Variants in GMDS observed in about 807,000 individuals in gnomAD.
The protein encoded by GMDS is GDP-mannose 4,6-dehydratase.
Under a neutral mutation model 49.9 loss-of-function variants are expected in GMDS, and 20 were observed. The observed-to-expected ratio is 0.40, with a 90% CI of 0.28 to 0.58. GMDS has a LOEUF of 0.58. Ranked by LOEUF, GMDS falls within the 20% of genes least tolerant of loss-of-function variation. The probability of loss-of-function intolerance (pLI) is 0.42; values close to 1 mark genes in which losing one functional copy is unlikely to be tolerated. For synonymous variants in GMDS, 177 were observed against 178.6 expected, an observed-to-expected ratio of 0.99 and a Z score of 0.07; for missense variants, 362 against 481.4, an observed-to-expected ratio of 0.75 and a Z score of 2.32.
intron 9 of GMDS, among the ~76,000 whole-genome samples, chr6:1,691,672 C>T (rs1237777174): frequency 6.6e-6 from 1 of 152,102 alleles, no homozygotes; most frequent in Non-Finnish European, 1.5e-5. Flanking sequence ...TTACAGTGTT[C>T]TAAAATTTAT....
At chr6:1,935,795 G>T (rs768729189) in intron 6 of GMDS, among the ~76,000 whole-genome samples, 9 of 152,160 alleles carry the variant, frequency 5.9e-5, no homozygotes, top group Non-Finnish European at 1.2e-4. Flanking sequence ...GATAGAATGA[G>T]AACAGAACTT....
Position 2,004,198 on chromosome 6 carries a change from T to C in GMDS, c.346-43232A>G, listed in dbSNP as rs184588031. Among the ~76,000 whole-genome samples the C allele has an allele frequency of 4.9e-3, 743 of 152,354 alleles. 11 individuals are homozygous for C. The highest frequency in any genetic ancestry group is 0.037 in the Middle Eastern group (11 of 294). On this transcript the variant is annotated intron_variant, in intron 4 of 10. Coordinates refer to ENST00000380815, the MANE Select transcript of GMDS (RefSeq NM_001500.4). Reference sequence around the variant, plus strand: ...TCTAGGGCAAGCCCTTCCATTAGACTGACAATTTGAAAGTACTTATTGGTC... The same window carrying C: ...TCTAGGGCAAGCCCTTCCATTAGACCGACAATTTGAAAGTACTTATTGGTC...
At position 1,994,536 on chromosome 6, in the gene GMDS, GATAA is replaced by G. The variant is rs543439268; in HGVS notation, c.346-33574_346-33571del. On this transcript the variant is annotated intron_variant, in intron 4 of 10. Transcript: ENST00000380815. ...ACTGTGCTGAGTTTGGGAACAGAAA[GATAA>G]ATGAGGCGCAAACTTTGTCATTGAG... 6.6e-5 allele frequency among the ~76,000 whole-genome samples: 10 copies of G among 152,258 alleles called. No homozygotes were observed. The South Asian group carries it at 1.9e-3, about 28-fold the overall frequency.
chr6:2,157,623 C>G (rs915264661), intron 1 of GMDS, among the ~76,000 whole-genome samples: 1 of 152,126 alleles, frequency 6.6e-6, no homozygotes, highest in African/African-American at 2.4e-5. Flanking sequence ...AAAACGAAAT[C>G]TATAGGGGAG....
intron 7 of GMDS, among the ~76,000 whole-genome samples, chr6:1,879,226 T>G (rs1759246317): frequency 6.6e-6 from 1 of 152,204 alleles, no homozygotes; most frequent in South Asian, 2.1e-4. Context: ...AAAATTAAAA[T>G]TGGGTATAAA....
chr6:1,913,120 G>A (rs112821771), intron 7 of GMDS, among the ~76,000 whole-genome samples: 4,488 of 152,092 alleles, frequency 0.03, 210 homozygotes, highest in African/African-American at 0.1. Context: ...GGTGGCTCAC[G>A]CCTGTAATCC....
chr6:2,098,392 G>A (rs1340969421), intron 4 of GMDS, among the ~76,000 whole-genome samples: 2 of 152,024 alleles, frequency 1.3e-5, no homozygotes, highest in Non-Finnish European at 2.9e-5. Flanking sequence ...CTTCAAATAA[G>A]GAAAATTTAG....
intron 1 of GMDS, among the ~76,000 whole-genome samples, chr6:2,152,840 T>A (rs1345113923): frequency 6.6e-6 from 1 of 152,108 alleles, no homozygotes; most frequent in East Asian, 1.9e-4. Flanking sequence ...ATTATGAAAA[T>A]ATAACTATAT....
chr6:1,700,175 A>G (rs921147020), intron 9 of GMDS, among the ~76,000 whole-genome samples: 5 of 152,194 alleles, frequency 3.3e-5, no homozygotes, highest in Non-Finnish European at 5.9e-5. Context: ...ACATTTCTTT[A>G]AGGAAAAGTC....
intron 1 of GMDS, among the ~76,000 whole-genome samples, chr6:2,200,288 T>C (rs1382957403): frequency 6.6e-6 from 1 of 151,948 alleles, no homozygotes; most frequent in Non-Finnish European, 1.5e-5. Flanking sequence ...CAGTAGAAGA[T>C]GACATGTTAG....
At chr6:1,935,242 T>C (rs905780587) in intron 6 of GMDS, among the ~76,000 whole-genome samples, 2 of 152,196 alleles carry the variant, frequency 1.3e-5, no homozygotes, top group African/African-American at 4.8e-5. Context: ...CTCCTCTGTG[T>C]ACTACTTGCA....
In GMDS at chr6:1,820,153, A is replaced by T. The variant is rs112542150; in HGVS notation, c.772-77567T>A. Among the ~76,000 whole-genome samples, 247 of 152,280 alleles carry T rather than the reference A, an allele frequency of 1.6e-3. 1 individual carries two copies. Among genetic ancestry groups the T allele is most frequent in the African/African-American group, 3.8e-3 (160 of 41,564 alleles). On this transcript the variant is annotated intron_variant, in intron 7 of 10. Coordinates refer to ENST00000380815, the MANE Select transcript of GMDS (RefSeq NM_001500.4). ...AATGAAATGAAACCTAAAATCTTGA[A>T]AACATTTAATATAAATTATAAATAG...
intron 1 of GMDS, among the ~76,000 whole-genome samples, chr6:2,154,132 C>A (rs1776985290): frequency 6.6e-6 from 1 of 152,090 alleles, no homozygotes; most frequent in South Asian, 2.1e-4. Flanking sequence ...CGCACAATTC[C>A]AAGTCACAAT....
chr6:1,872,850 T>C (rs1758844041), intron 7 of GMDS, among the ~76,000 whole-genome samples: 1 of 152,258 alleles, frequency 6.6e-6, no homozygotes, highest in South Asian at 2.1e-4. Context: ...TCTGTTACAC[T>C]CTGCCCGCCC....
chr6:2,079,406 A>G (rs1263177873), intron 4 of GMDS, among the ~76,000 whole-genome samples: 1 of 151,854 alleles, frequency 6.6e-6, no homozygotes, highest in Non-Finnish European at 1.5e-5. Context: ...TACAGGTACC[A>G]TTTAATTACT....
chr6:2,214,215 A>G (rs893377001), intron 1 of GMDS, among the ~76,000 whole-genome samples: 1 of 152,232 alleles, frequency 6.6e-6, no homozygotes, highest in African/African-American at 2.4e-5. Flanking sequence ...ATTAGTCACC[A>G]TTGGAAATTG....
At chr6:1,698,675 G>A (rs1765432032) in intron 9 of GMDS, among the ~76,000 whole-genome samples, 1 of 152,218 alleles carries the variant, frequency 6.6e-6, no homozygotes, top group African/African-American at 2.4e-5. Context: ...CCCACTCTGA[G>A]AAGGGCAGGC....
chr6:1,651,739 A>G (rs2569847), intron 9 of GMDS, among the ~76,000 whole-genome samples: 49,153 of 151,998 alleles, frequency 0.32, 8,135 homozygotes, highest in East Asian at 0.56. Flanking sequence ...ATCCTTAGAT[A>G]GACCCATGAG....
intron 4 of GMDS, among the ~76,000 whole-genome samples, chr6:2,112,188 A>G (rs1471648608): frequency 2.0e-5 from 3 of 152,246 alleles, no homozygotes; most frequent in South Asian, 2.1e-4. Context: ...CAATTCAGAA[A>G]AAGAGGTTTC....
Sources: gnomAD v4.1 joint callset for allele counts (sites outside exome capture counted in the v4.1 genomes callset) on GRCh38, gnomAD v4.1.1 for gene constraint, MANE v1.5 for transcripts, NCBI Gene and HGNC (gene_info 2026-07-23, HGNC 2026-07-21) for gene names.